The following FCRL6 variants were observed in gnomAD, a reference collection of about 807,000 sequenced individuals.
FCRL6 encodes Fc receptor like 6.
FCRL6 carries 50 observed loss-of-function variants against 49.1 expected under a neutral mutation model. That is an observed-to-expected ratio of 1.02 (90% CI 0.81 to 1.29). The LOEUF (loss-of-function observed/expected upper bound fraction) is 1.29. FCRL6 is among the 50% of genes most tolerant of loss of function. FCRL6 has a pLI of 0.00. For missense variants in FCRL6, 571 were observed against 518.5 expected (o/e 1.10, Z -0.98); for synonymous variants, 213 against 199.6 (o/e 1.07, Z -0.57).
chr1:159,810,401 A>G (rs79900875), intron 6 of FCRL6, among the ~76,000 whole-genome samples, 185 bp downstream of exon 6: 3,567 of 152,304 alleles, frequency 0.023, 53 homozygotes, highest in Non-Finnish European at 0.039. Flanking sequence ...CTTCCAAAAC[A>G]TATACACACA....
upstream of FCRL6, chr1:159,802,258 G>A (rs1192536001): frequency 1.0e-5 from 6 of 601,758 alleles, no homozygotes; most frequent in Non-Finnish European, 1.2e-5. Context: ...ATATCAATTA[G>A]AGCTTTGTAA....
chr1:159,809,170 C>T lies in FCRL6; in HGVS notation c.529C>T (p.Leu177Phe). 6.2e-7 allele frequency: 1 copy of T among 1,612,900 alleles called. No individual in the cohort carries two copies. The highest frequency in any genetic ancestry group is 8.5e-7 in the Non-Finnish European group (1 of 1,179,424). ...GGGAGCCAAGGAGGGAGACTCTGGG[C>T]TTTACTGGTGTGAGGTGGCCCCTGA... is the stretch of plus-strand genomic sequence containing the variant. ...IPGAKEGDSG[L>F]YWCEVAPEGG... The change falls in exon 4 of 10, where the codon CTT becomes TTT. Residue 177 changes from leucine (L) to phenylalanine (F), a missense_variant. Transcript: ENST00000368106.
At chr1:159,810,040 A>C (rs79386772) in intron 5 of FCRL6, 54 bp from the exon 6 acceptor site, 19,554 of 1,578,398 alleles carry the variant, frequency 0.012, 159 homozygotes, top group Non-Finnish European at 0.015. Context: ...GCTAGAATGC[A>C]TTTCCGAATT....
chr1:159,801,552 A>G (rs1662337313), upstream of FCRL6, among the ~76,000 whole-genome samples: 2 of 152,118 alleles, frequency 1.3e-5, no homozygotes, highest in African/African-American at 4.8e-5. Flanking sequence ...GTGATTTATG[A>G]TGTCTAGCTC....
At chr1:159,810,455 A>C (rs1663026501) in intron 6 of FCRL6, among the ~76,000 whole-genome samples, 1 of 152,194 alleles carries the variant, frequency 6.6e-6, no homozygotes, top group African/African-American at 2.4e-5. Flanking sequence ...ATGCACACAA[A>C]CACACAACCG....
At chr1:159,814,121 A>G (rs778241936) in intron 7 of FCRL6, 100 bp from the exon 8 acceptor site, 6 of 1,099,964 alleles carry the variant, frequency 5.5e-6, no homozygotes, top group Non-Finnish European at 6.9e-6. Flanking sequence ...TATCACCATA[A>G]CAGAGCCCCT....
rs80306597 is a variant in FCRL6, at chr1:159,806,774, A to G, written c.52+158A>G. Among the ~76,000 whole-genome samples, 32 of 152,286 alleles carry G rather than the reference A, an allele frequency of 2.1e-4. 1 individual carries two copies. The East Asian group carries it at 6.0e-3, about 29-fold the overall frequency. On this transcript the variant is annotated intron_variant, in intron 2 of 9. Transcript: ENST00000368106. ...GGAGTCTTGGCCAGTTCCTAGGAAA[A>G]GGAGGAACTTGGAACTCCACTAGTC...
intron 5 of FCRL6, 44 bp downstream of exon 5, chr1:159,809,727 G>A: frequency 6.4e-7 from 1 of 1,565,390 alleles, no homozygotes; most frequent in Non-Finnish European, 8.7e-7. Flanking sequence ...CAGCAAGCTG[G>A]CAGGGGTCAG....
At chr1:159,802,107 A>AC (rs1277141358), upstream of FCRL6, among the ~76,000 whole-genome samples, 2 of 152,090 alleles carry the variant, frequency 1.3e-5, no homozygotes, top group Admixed American at 6.5e-5. Flanking sequence ...GTGTCCCATA[A>AC]CCATGTTCCA....
intron 1 of FCRL6, among the ~76,000 whole-genome samples, chr1:159,803,412 C>T (rs987843453): frequency 5.9e-5 from 9 of 152,188 alleles, no homozygotes. Context: ...CTAAATATAA[C>T]CTCTTCCTGG....
chr1:159,800,660 T>C (rs1255607392), upstream of FCRL6: 2 of 1,511,892 alleles, frequency 1.3e-6, no homozygotes, highest in Admixed American at 3.9e-5. Context: ...CTCACTACTT[T>C]TCCCTCTTTC....
intron 1 of FCRL6, among the ~76,000 whole-genome samples, chr1:159,806,382 T>TTGGGTGGTTGGATGGCTGATGGC (rs1662680388): frequency 6.6e-6 from 1 of 150,880 alleles, no homozygotes; most frequent in Non-Finnish European, 1.5e-5. Flanking sequence ...GGTTGGATGG[T>TTGGGTGGTTGGATGGCTGATGGC]TGGGTGGTTG....
chr1:159,802,527 C>T (rs1160045647), intron 1 of FCRL6, 72 bp downstream of exon 1: 2 of 1,336,992 alleles, frequency 1.5e-6, no homozygotes, highest in Non-Finnish European at 2.1e-6. Context: ...ACACCAAGTT[C>T]CTCATCTTAC....
At chr1:159,814,638 C>CAATGT (rs1430687691) in intron 8 of FCRL6, among the ~76,000 whole-genome samples, 3 of 152,124 alleles carry the variant, frequency 2.0e-5, no homozygotes, top group African/African-American at 7.2e-5. Flanking sequence ...CTTTCCTGAA[C>CAATGT]AATGTGAAGG....
Position 159,806,604 on chromosome 1 carries a change from G to A in FCRL6, c.40G>A (p.Val14Ile). Residue 14 changes from valine (V) to isoleucine (I), a missense_variant, in exon 2 of 10, where the codon GTT becomes ATT. Val to Ile is a conservative substitution (Grantham distance 29). Coordinates refer to ENST00000368106, the MANE Select transcript of FCRL6 (RefSeq NM_001004310.3). ...ACTTTGTTCTCTTGCAGTTCCCTGT[G>A]TTGGGAAAACTGGTAAGTTGTGTCC... ...WTAVLLFVPC[V>I]GKTVWLYLQA... 6.2e-6 allele frequency: 10 copies of A among 1,613,848 alleles called. No homozygotes were observed. Among genetic ancestry groups the A allele is most frequent in the Non-Finnish European group, 8.5e-6 (10 of 1,179,692 alleles).
chr1:159,812,960 C>T (rs866547922), intron 6 of FCRL6, among the ~76,000 whole-genome samples: 2 of 152,158 alleles, frequency 1.3e-5, no homozygotes, highest in African/African-American at 2.4e-5. Context: ...TTATAGAAGT[C>T]GCCTCTCCCA....
rs772316577 is a variant in FCRL6, at chr1:159,814,293, G to A, written c.1147+1G>A. The A allele has an allele frequency of 3.7e-6, 6 of 1,613,732 alleles. No individual in the cohort carries two copies. The highest frequency in any genetic ancestry group is 4.5e-5 in the East Asian group (2 of 44,892). The stretch of plus-strand genomic sequence containing the variant: ...CATAGAACCTCAAAGAGGAGTGAAG[G>A]TGAGTGATCTCAGGCCAAACTTGGT... On this transcript the variant is annotated splice_donor_variant, in intron 8 of 9. Coordinates refer to ENST00000368106, the MANE Select transcript of FCRL6 (RefSeq NM_001004310.3). LOFTEE classifies it high-confidence loss of function.
intron 7 of FCRL6, 90 bp from the exon 8 acceptor site, chr1:159,814,131 T>C (rs1254985902): frequency 4.9e-6 from 6 of 1,222,844 alleles, no homozygotes; most frequent in Non-Finnish European, 6.0e-6. Flanking sequence ...ACAGAGCCCC[T>C]GATGGGCTTC....
intron 7 of FCRL6, among the ~76,000 whole-genome samples, chr1:159,813,782 G>A (rs1252320163): frequency 1.3e-5 from 2 of 152,214 alleles, no homozygotes; most frequent in South Asian, 2.1e-4. Flanking sequence ...GGCAGGGAAG[G>A]TTTGGACCAA....
Sources: allele counts gnomAD v4.1 joint callset (sites outside exome capture counted in the v4.1 genomes callset), GRCh38; gene constraint gnomAD v4.1.1; transcripts MANE v1.5; gene names NCBI Gene and HGNC (gene_info 2026-07-23, HGNC 2026-07-21).